SEC63: variants seen among roughly 807,000 people sequenced by gnomAD.
SEC63 encodes the protein SEC63 protein translocation regulator.
Under a neutral mutation model 116.2 loss-of-function variants are expected in SEC63, and 56 were observed. The ratio of observed to expected loss-of-function variants is 0.48; its 90% CI spans 0.39 to 0.60. SEC63 has a LOEUF of 0.60. SEC63 is among the 20% of genes least tolerant of loss of function. The probability of loss-of-function intolerance (pLI) is 0.00; values close to 1 mark genes in which losing one functional copy is unlikely to be tolerated. For missense variants in SEC63, 668 were observed against 900.0 expected (o/e 0.74, Z 3.30); for synonymous variants, 273 against 294.6 (o/e 0.93, Z 0.75).
intron 19 of SEC63, among the ~76,000 whole-genome samples, chr6:107,875,093 G>T (rs1248122828): frequency 6.6e-6 from 1 of 151,886 alleles, no homozygotes; most frequent in Non-Finnish European, 1.5e-5. Context: ...TGAATTCCTG[G>T]GCTCAACTGA....
intron 13 of SEC63, 75 bp from the exon 14 acceptor site, chr6:107,897,806 C>G: frequency 1.0e-6 from 1 of 970,456 alleles, no homozygotes; most frequent in Non-Finnish European, 1.7e-6. Flanking sequence ...CAAAACTTAG[C>G]TTACCCAAAT....
chr6:107,922,892 GC>G (rs1030884395), intron 3 of SEC63, among the ~76,000 whole-genome samples: 1 of 151,994 alleles, frequency 6.6e-6, no homozygotes, highest in Admixed American at 6.6e-5. Context: ...AAAAGTAAGT[GC>G]CATGGGGGAG....
Position 107,868,062 on chromosome 6 carries a change from T to C in SEC63, c.*3642A>G, listed in dbSNP as rs1445208763. Reference sequence around the variant, plus strand: ...AAATAGCCCTAGCATCAAGTTTAAATGGATGAGAATGCTTGGTGCTAACTT... The same window carrying C: ...AAATAGCCCTAGCATCAAGTTTAAACGGATGAGAATGCTTGGTGCTAACTT... On this transcript the variant is annotated 3_prime_UTR_variant, in exon 21 of 21. Transcript: ENST00000369002. 6.6e-6 allele frequency: 1 copy of C among 152,138 alleles called. No individual in the cohort carries two copies. Among genetic ancestry groups the C allele is most frequent in the Non-Finnish European group, 1.5e-5 (1 of 68,034 alleles). 9.4% of individuals were successfully genotyped at this position (152,138 alleles called of 1,614,324 possible). A position where few individuals can be genotyped will look rare whatever the true frequency, so the allele number is the denominator to read the frequency against.
chr6:107,949,802 TTTTG>T (rs768804192), intron 1 of SEC63, among the ~76,000 whole-genome samples: 34 of 152,246 alleles, frequency 2.2e-4, no homozygotes, highest in Non-Finnish European at 4.0e-4. Flanking sequence ...GCTAATATTT[TTTTG>T]TTTGTTTGTT....
At chr6:107,904,025 G>A (rs1334790890) in intron 11 of SEC63, among the ~76,000 whole-genome samples, 2 of 151,626 alleles carry the variant, frequency 1.3e-5, no homozygotes, top group Non-Finnish European at 2.9e-5. Flanking sequence ...GGCTGAGGCA[G>A]GAGAATCACT....
At chr6:107,954,482 C>CAAAAAAAAAAAAAAAAAAAACAA (rs4028832) in intron 1 of SEC63, 1 of 116,868 alleles carries the variant, frequency 8.6e-6, no homozygotes, top group Admixed American at 1.0e-4. Context: ...AAAAAAAAAT[C>CAAAAAAAAAAAAAAAAAAAACAA]AAAAAAAAAA....
At chr6:107,945,616 TTA>T (rs1274156397) in intron 1 of SEC63, among the ~76,000 whole-genome samples, 1 of 151,938 alleles carries the variant, frequency 6.6e-6, no homozygotes, top group Non-Finnish European at 1.5e-5. Flanking sequence ...GAACATCTTT[TTA>T]AAAGAATGAA....
At chr6:107,877,639 T>C (rs1008293783) in intron 18 of SEC63, among the ~76,000 whole-genome samples, 2 of 152,216 alleles carry the variant, frequency 1.3e-5, no homozygotes, top group African/African-American at 4.8e-5. Flanking sequence ...CAAGATTTCA[T>C]TTATGTTGCC....
intron 18 of SEC63, among the ~76,000 whole-genome samples, chr6:107,877,924 T>G (rs1027142765): frequency 6.6e-6 from 1 of 152,216 alleles, no homozygotes; most frequent in Non-Finnish European, 1.5e-5. Context: ...CACGGTGACA[T>G]GAGTGGCACT....
At chr6:107,882,471 C>T (rs1786434452) in intron 17 of SEC63, among the ~76,000 whole-genome samples, 1 of 152,144 alleles carries the variant, frequency 6.6e-6, no homozygotes, top group African/African-American at 2.4e-5. Flanking sequence ...TCTGTAAAGA[C>T]TTCCCCTGTC....
chr6:107,955,016 A>C (rs545723484), intron 1 of SEC63, among the ~76,000 whole-genome samples: 1 of 152,334 alleles, frequency 6.6e-6, no homozygotes, highest in African/African-American at 2.4e-5. Context: ...CGGATGTAAA[A>C]CGGGCAAACT....
intron 14 of SEC63, 86 bp downstream of exon 14, chr6:107,897,563 A>C: frequency 1.1e-6 from 1 of 949,416 alleles, no homozygotes; most frequent in Admixed American, 1.8e-5. Flanking sequence ...GTATTACAAC[A>C]GTTTTGACTT....
Position 107,868,282 on chromosome 6 carries a change from C to CA in SEC63, c.*3421dup, listed in dbSNP as rs1276874915. 17 of 150,654 alleles carry CA rather than the reference C, an allele frequency of 1.1e-4. No homozygotes were observed. Among genetic ancestry groups the CA allele is most frequent in the Admixed American group, 1.3e-4 (2 of 15,164 alleles). The allele number at this position is 150,654 out of a possible 1,614,324, so 9.3% of individuals were successfully genotyped here. ...TGATTTGTTGTTTTTGTTTTTTTTC[C>CA]AAAAAAACCCAACAGGCTGGGCGCA... is the stretch of plus-strand genomic sequence containing the variant. On this transcript the variant is annotated 3_prime_UTR_variant, in exon 21 of 21. Transcript: ENST00000369002.
intron 16 of SEC63, among the ~76,000 whole-genome samples, chr6:107,883,987 A>G (rs1583726302): frequency 6.6e-6 from 1 of 152,070 alleles, no homozygotes. Flanking sequence ...GCAGTGGCTC[A>G]TGCTATAATC....
chr6:107,927,733 C>T (rs1246035051), intron 2 of SEC63, among the ~76,000 whole-genome samples: 1 of 152,002 alleles, frequency 6.6e-6, no homozygotes, highest in Non-Finnish European at 1.5e-5. Context: ...ATTCCAGGAC[C>T]CCCACAGATA....
chr6:107,941,369 C>T (rs1015695241), intron 1 of SEC63, among the ~76,000 whole-genome samples: 2 of 152,048 alleles, frequency 1.3e-5, no homozygotes, highest in East Asian at 1.9e-4. Context: ...AGTCCAGCTA[C>T]ATAGTCCTAC....
chr6:107,878,512 CT>C (rs1286909150), intron 18 of SEC63, among the ~76,000 whole-genome samples: 1 of 152,190 alleles, frequency 6.6e-6, no homozygotes, highest in Non-Finnish European at 1.5e-5. Context: ...TAGAGAATGC[CT>C]TTCCCTCCAA....
chr6:107,944,210 G>C (rs1306267684), intron 1 of SEC63, among the ~76,000 whole-genome samples: 2 of 152,172 alleles, frequency 1.3e-5, no homozygotes, highest in African/African-American at 2.4e-5. Context: ...TGACTCCCAA[G>C]ACTTCTTTCC....
At chr6:107,921,450 A>G (rs1479779109) in intron 4 of SEC63, among the ~76,000 whole-genome samples, 1 of 149,232 alleles carries the variant, frequency 6.7e-6, no homozygotes, top group Non-Finnish European at 1.5e-5. Context: ...ACAGAAAACT[A>G]TCCTTTTTTT....
Sources: gnomAD v4.1 joint callset for allele counts (sites outside exome capture counted in the v4.1 genomes callset) on GRCh38, gnomAD v4.1.1 for gene constraint, MANE v1.5 for transcripts, NCBI Gene and HGNC (gene_info 2026-07-23, HGNC 2026-07-21) for gene names.